The following MMD variants were observed in gnomAD, a reference collection of about 807,000 sequenced individuals.
MMD encodes the protein monocyte to macrophage differentiation factor.
Under a neutral mutation model 33.6 loss-of-function variants are expected in MMD, and 22 were observed. The observed-to-expected ratio is 0.66, with a 90% CI of 0.47 to 0.94. The LOEUF (loss-of-function observed/expected upper bound fraction) is 0.94. MMD is among the 40% of genes least tolerant of loss of function. The pLI is 0.00. For missense variants in MMD, 242 were observed against 309.8 expected, an observed-to-expected ratio of 0.78 and a Z score of 1.64; for synonymous variants, 97 against 103.2, an observed-to-expected ratio of 0.94 and a Z score of 0.36.
chr17:55,395,238 T>C (rs1362759598), intron 6 of MMD, among the ~76,000 whole-genome samples: 1 of 152,230 alleles, frequency 6.6e-6, no homozygotes, highest in Non-Finnish European at 1.5e-5. Flanking sequence ...TTCTTGGTTT[T>C]CAAAGACCAA....
intron 1 of MMD, chr17:55,420,086 T>G (rs1474827087): frequency 2.6e-5 from 4 of 152,168 alleles, no homozygotes; most frequent in African/African-American, 9.7e-5. Flanking sequence ...GAACAGGGTT[T>G]GTTTGTTTTT....
intron 6 of MMD, 74 bp from the exon 7 acceptor site, chr17:55,394,608 TCTCTAAGG>T: frequency 8.6e-7 from 1 of 1,157,230 alleles, no homozygotes; most frequent in Non-Finnish European, 1.1e-6. Flanking sequence ...ACTGTAATTC[TCTCTAAGG>T]CTCTTGATTT....
chr17:55,398,649 A>C (rs185866015), intron 6 of MMD, among the ~76,000 whole-genome samples: 47 of 152,088 alleles, frequency 3.1e-4, no homozygotes, highest in Admixed American at 3.0e-3. Flanking sequence ...AAAATTGTTG[A>C]GTTTTGTTCT....
chr17:55,412,600 T>C (rs1447301279), intron 2 of MMD, among the ~76,000 whole-genome samples: 1 of 152,214 alleles, frequency 6.6e-6, no homozygotes, highest in African/African-American at 2.4e-5. Flanking sequence ...AATTTGCTTA[T>C]CTTTTTTCTC....
chr17:55,405,310 C>T (rs1035066068), intron 4 of MMD, among the ~76,000 whole-genome samples: 8 of 149,372 alleles, frequency 5.4e-5, no homozygotes, highest in Admixed American at 2.7e-4. Flanking sequence ...GCAGAGGTTG[C>T]GGTGAGCCAA....
chr17:55,411,200 C>G, intron 3 of MMD, 57 bp downstream of exon 3: 2 of 1,559,304 alleles, frequency 1.3e-6, no homozygotes, highest in Non-Finnish European at 8.7e-7. Flanking sequence ...TGGAAGGGTA[C>G]CAAACACGTT....
At position 55,392,797 on chromosome 17, in the gene MMD, T is replaced by C. The variant is rs1454159111; in HGVS notation, c.*1537A>G. On this transcript the variant is annotated 3_prime_UTR_variant, in exon 7 of 7. Transcript: ENST00000262065. ...ATGTTCAGAATCATGCAGATAGGAG[T>C]GGTTTGGTTGGTGTTATCACTGGGT... 6.6e-6 allele frequency: 1 copy of C among 152,042 alleles called. No homozygotes were observed. Among genetic ancestry groups the C allele is most frequent in the African/African-American group, 2.4e-5 (1 of 41,330 alleles). The allele number at this position is 152,042 out of a possible 1,614,324, so 9.4% of individuals were successfully genotyped here. A position where few individuals can be genotyped will look rare whatever the true frequency, so the allele number is the denominator to read the frequency against.
At position 55,421,759 on chromosome 17, in the gene MMD, C is replaced by A. The variant is rs1208277614; in HGVS notation, c.-64G>T. 1.5e-5 allele frequency: 24 copies of A among 1,548,526 alleles called. No individual in the cohort carries two copies. The highest frequency in any genetic ancestry group is 1.9e-5 in the Non-Finnish European group (22 of 1,150,974). Reference sequence around the variant, plus strand: ...TCGTCAGCACCGGCGGCCGGGCGCGCGGCCCTCATGGGCTTGGGCTGCTCC... The same window carrying A: ...TCGTCAGCACCGGCGGCCGGGCGCGAGGCCCTCATGGGCTTGGGCTGCTCC... On this transcript the variant is annotated 5_prime_UTR_variant, in exon 1 of 7. Transcript: ENST00000262065.
chr17:55,405,757 C>T (rs1404126542), intron 4 of MMD, among the ~76,000 whole-genome samples: 2 of 152,170 alleles, frequency 1.3e-5, no homozygotes, highest in African/African-American at 4.8e-5. Context: ...TTACTTTTTA[C>T]TCCTTCAGAT....
At chr17:55,402,925 A>G (rs1598430874) in intron 5 of MMD, among the ~76,000 whole-genome samples, 1 of 152,218 alleles carries the variant, frequency 6.6e-6, no homozygotes, top group Non-Finnish European at 1.5e-5. Flanking sequence ...TTTTCTGATA[A>G]ACACAAATTA....
At chr17:55,421,091 C>T (rs897978258) in intron 1 of MMD, among the ~76,000 whole-genome samples, 1 of 152,270 alleles carries the variant, frequency 6.6e-6, no homozygotes, top group Non-Finnish European at 1.5e-5. Flanking sequence ...CAGCAAGGCC[C>T]CTACACGGCC....
intron 1 of MMD, among the ~76,000 whole-genome samples, chr17:55,419,128 A>G (rs1908080401): frequency 6.6e-6 from 1 of 152,242 alleles, no homozygotes; most frequent in African/African-American, 2.4e-5. Flanking sequence ...TCATTCTCTA[A>G]ACCTATTTAC....
intron 6 of MMD, among the ~76,000 whole-genome samples, chr17:55,400,354 A>G (rs970099465): frequency 2.0e-5 from 3 of 151,982 alleles, no homozygotes; most frequent in Admixed American, 2.0e-4. Flanking sequence ...TCAAGAACAG[A>G]CTAGCCAACT....
At chr17:55,421,536 A>G in intron 1 of MMD, 134 bp downstream of exon 1, 2 of 1,267,602 alleles carry the variant, frequency 1.6e-6, no homozygotes, top group Non-Finnish European at 2.2e-6. Context: ...TCCCCAGGGA[A>G]CTGATCCCTG....
At chr17:55,401,963 G>A (rs1234732457) in intron 5 of MMD, among the ~76,000 whole-genome samples, 1 of 150,706 alleles carries the variant, frequency 6.6e-6, no homozygotes, top group Non-Finnish European at 1.5e-5. Context: ...CAGCTACTCG[G>A]GGAGATGAGG....
rs1423138898 is a variant in MMD, at chr17:55,415,182, G to GA, written c.27-951dup. On this transcript the variant is annotated intron_variant, in intron 1 of 6. Transcript: ENST00000262065. ...ACAACAGGTTTCATGAGGGACTCTG[G>GA]ATTAGTCTAATTAATCCTTTTTTTC... is the stretch of plus-strand genomic sequence containing the variant. Among the ~76,000 whole-genome samples, 8 of 151,884 alleles carry GA rather than the reference G, an allele frequency of 5.3e-5. No homozygotes were observed. In the East Asian group the frequency reaches 1.6e-3, roughly 29 times the overall value.
chr17:55,406,491 G>A (rs998108318), intron 4 of MMD, among the ~76,000 whole-genome samples: 21 of 152,192 alleles, frequency 1.4e-4, no homozygotes, highest in African/African-American at 4.8e-4. Flanking sequence ...AACCTGGGAG[G>A]TGGAGGTTGC....
chr17:55,395,728 A>G lies in MMD; in HGVS notation c.517-1194T>C, dbSNP rs116502666. ...CATTGGATTTCTTCCTAACCTTGGT[A>G]AGAAAGGACTTCAGCTAGATTTATT... On this transcript the variant is annotated intron_variant, in intron 6 of 6. Coordinates refer to ENST00000262065, the MANE Select transcript of MMD (RefSeq NM_012329.3). 4.0e-3 allele frequency among the ~76,000 whole-genome samples: 617 copies of G among 152,380 alleles called. 4 individuals are homozygous for G. The highest frequency in any genetic ancestry group is 0.014 in the African/African-American group (597 of 41,582).
At chr17:55,421,636 A>G in intron 1 of MMD, 34 bp downstream of exon 1, 1 of 1,598,946 alleles carries the variant, frequency 6.3e-7, no homozygotes, top group South Asian at 1.1e-5. Context: ...CGCTTCTGAC[A>G]CGGGCAGCGG....
Sources: gnomAD v4.1 joint callset for allele counts (sites outside exome capture counted in the v4.1 genomes callset) on GRCh38, gnomAD v4.1.1 for gene constraint, MANE v1.5 for transcripts, NCBI Gene and HGNC (gene_info 2026-07-23, HGNC 2026-07-21) for gene names.